The following TRMT9B variants were observed in gnomAD, a reference collection of about 807,000 sequenced individuals.
TRMT9B encodes probable tRNA methyltransferase 9B.
In TRMT9B, 16 loss-of-function variants were observed where a neutral mutation model predicts 11.5. That is an observed-to-expected ratio of 1.39 (90% CI 0.94 to 2.11). TRMT9B has a LOEUF of 2.11. Among genes scored for constraint, TRMT9B ranks in the 30% most tolerant of loss-of-function variants. TRMT9B has a pLI of 0.00. For synonymous variants in TRMT9B, 274 were observed against 192.4 expected (o/e 1.42, Z -3.51); for missense variants, 941 against 553.8 (o/e 1.70, Z -7.02).
chr8:12,952,355 C>T (rs1800741178), intron 1 of TRMT9B: 1 of 324,986 alleles, frequency 3.1e-6, no homozygotes, highest in Non-Finnish European at 6.3e-6. Flanking sequence ...GTCTGGCCGC[C>T]TGGGTGAGTT....
In TRMT9B at chr8:12,990,744, T is replaced by C. The variant is rs1807190265; in HGVS notation, c.-199-90T>C. The C allele has an allele frequency of 9.8e-6, 7 of 710,976 alleles. No homozygotes were observed. In the South Asian group the frequency reaches 1.4e-4, roughly 14 times the overall value. The allele number at this position is 710,976 out of a possible 1,614,324, so 44.0% of individuals were successfully genotyped here. A position where few individuals can be genotyped will look rare whatever the true frequency, so the allele number is the denominator to read the frequency against. On this transcript the variant is annotated intron_variant, in intron 1 of 4. Coordinates refer to ENST00000524591, the MANE Select transcript of TRMT9B (RefSeq NM_020844.3). ...AATCCCTACTTGGCTGGGTAATTTA[T>C]GCATAGGTCAGGAAGTCAGCCTGGG... is the stretch of plus-strand genomic sequence containing the variant.
intron 4 of TRMT9B, among the ~76,000 whole-genome samples, chr8:13,013,666 T>A (rs1812081092): frequency 6.6e-6 from 1 of 152,204 alleles, no homozygotes. Context: ...AAAATCAACC[T>A]ATTTGGCCGG....
chr8:12,987,316 A>G (rs1354026173), intron 1 of TRMT9B, among the ~76,000 whole-genome samples: 1 of 152,186 alleles, frequency 6.6e-6, no homozygotes, highest in African/African-American at 2.4e-5. Flanking sequence ...CCCATAGCAA[A>G]TAATTAATAC....
In TRMT9B at chr8:13,022,157, G is replaced by C. The variant is rs1210195222; in HGVS notation, c.*113G>C. The stretch of plus-strand genomic sequence containing the variant: ...TATTTGTTAATCCATTTACGCTTTG[G>C]TCTGCAGAGACTATTAATTATTTGG... On this transcript the variant is annotated 3_prime_UTR_variant, in exon 5 of 5. Transcript: ENST00000524591. 1 of 753,558 alleles carries C rather than the reference G, an allele frequency of 1.3e-6. No homozygotes were observed. The highest frequency in any genetic ancestry group is 2.1e-6 in the Non-Finnish European group (1 of 476,052). 46.7% of individuals were successfully genotyped at this position (753,558 alleles called of 1,614,324 possible).
chr8:12,984,099 T>C (rs759422530), intron 1 of TRMT9B, among the ~76,000 whole-genome samples: 3 of 152,166 alleles, frequency 2.0e-5, no homozygotes, highest in Non-Finnish European at 2.9e-5. Flanking sequence ...TTTCTGATGG[T>C]TCAGTGTACA....
At chr8:12,954,089 T>A (rs1281594182) in intron 1 of TRMT9B, among the ~76,000 whole-genome samples, 1 of 152,206 alleles carries the variant, frequency 6.6e-6, no homozygotes, top group Non-Finnish European at 1.5e-5. Context: ...CAGAGTGATG[T>A]GAAATTGGGA....
At chr8:13,001,823 A>G (rs17116610) in intron 2 of TRMT9B, among the ~76,000 whole-genome samples, 9,293 of 152,252 alleles carry the variant, frequency 0.061, 351 homozygotes, top group African/African-American at 0.1. Context: ...GGATTATTTT[A>G]TGGGTCTGGA....
chr8:13,015,345 G>C (rs912282822), intron 4 of TRMT9B, among the ~76,000 whole-genome samples: 1 of 151,780 alleles, frequency 6.6e-6, no homozygotes, highest in Non-Finnish European at 1.5e-5. Flanking sequence ...CTAACCTTCA[G>C]CATTTAGAAT....
chr8:13,004,516 G>A (rs757228622), intron 2 of TRMT9B, among the ~76,000 whole-genome samples: 19 of 151,982 alleles, frequency 1.3e-4, no homozygotes, highest in East Asian at 2.0e-4. Flanking sequence ...TCCTGAGGCC[G>A]TCTGTTCAGG....
At chr8:12,950,289 A>G (rs1478910629) in intron 1 of TRMT9B, among the ~76,000 whole-genome samples, 1 of 152,228 alleles carries the variant, frequency 6.6e-6, no homozygotes, top group Admixed American at 6.5e-5. Flanking sequence ...TGTTTATCAC[A>G]GTCTTTCAAT....
At chr8:12,951,513 G>C (rs149786501) in intron 1 of TRMT9B, 3,591 of 152,338 alleles carry the variant, frequency 0.024, 143 homozygotes, top group African/African-American at 0.079. Flanking sequence ...CCCGTCCCCG[G>C]CGGGGCGGGC....
chr8:13,000,751 T>C (rs1389474597), intron 2 of TRMT9B, among the ~76,000 whole-genome samples: 3 of 152,232 alleles, frequency 2.0e-5, no homozygotes, highest in Admixed American at 1.3e-4. Flanking sequence ...CCTTGCACGC[T>C]AGTTATTTAA....
chr8:12,956,787 A>T (rs201115198), intron 1 of TRMT9B, among the ~76,000 whole-genome samples: 2 of 152,212 alleles, frequency 1.3e-5, no homozygotes, highest in East Asian at 3.8e-4. Flanking sequence ...ATAACATAAG[A>T]GTATGCTTGA....
chr8:13,020,913 A>G (rs1813704296), intron 4 of TRMT9B, 95 bp from the exon 5 acceptor site: 2 of 815,080 alleles, frequency 2.5e-6, no homozygotes, highest in Non-Finnish European at 1.8e-6. Flanking sequence ...ATTAGATGTC[A>G]AAATTTCATC....
chr8:13,002,590 AT>A (rs1809652215), intron 2 of TRMT9B, among the ~76,000 whole-genome samples: 2 of 152,336 alleles, frequency 1.3e-5, no homozygotes, highest in East Asian at 3.9e-4. Context: ...GGGTAGGTTC[AT>A]ACTGATTAAA....
chr8:12,971,188 G>A (rs906778262), intron 1 of TRMT9B, among the ~76,000 whole-genome samples: 1 of 152,078 alleles, frequency 6.6e-6, no homozygotes. Flanking sequence ...TTTCCCTGCT[G>A]TATTATCAAA....
chr8:12,978,885 C>T (rs1324088477), intron 1 of TRMT9B, among the ~76,000 whole-genome samples: 1 of 152,206 alleles, frequency 6.6e-6, no homozygotes, highest in African/African-American at 2.4e-5. Context: ...TTACATTTCT[C>T]TCTCTTTGGC....
At chr8:13,012,975 TA>T (rs1175430973) in intron 4 of TRMT9B, 118 bp downstream of exon 4, 4 of 1,258,194 alleles carry the variant, frequency 3.2e-6, no homozygotes, top group Non-Finnish European at 4.1e-6. Flanking sequence ...TTATTTTATC[TA>T]ATTTAAAAAA....
At chr8:12,989,079 T>A (rs2139796) in intron 1 of TRMT9B, among the ~76,000 whole-genome samples, 112,860 of 147,910 alleles carry the variant, frequency 0.76, 42,475 homozygotes, top group Middle Eastern at 0.83. Flanking sequence ...AATACAGAAA[T>A]TTTTTTTTTT....
Sources: allele counts gnomAD v4.1 joint callset (sites outside exome capture counted in the v4.1 genomes callset), GRCh38; gene constraint gnomAD v4.1.1; transcripts MANE v1.5; gene names NCBI Gene and HGNC (gene_info 2026-07-23, HGNC 2026-07-21).